The following KNDC1 variants were observed in gnomAD, a reference collection of about 807,000 sequenced individuals.
KNDC1 encodes the protein kinase non-catalytic C-lobe domain-containing protein 1.
KNDC1 carries 106 observed loss-of-function variants against 172.8 expected under a neutral mutation model. The ratio of observed to expected loss-of-function variants is 0.61; its 90% CI spans 0.52 to 0.72. The LOEUF (loss-of-function observed/expected upper bound fraction) is 0.72, where lower values mean the gene tolerates loss of function less well. Ranked by LOEUF, KNDC1 falls within the 30% of genes least tolerant of loss-of-function variation. The probability of loss-of-function intolerance (pLI) is 0.00; values close to 1 mark genes in which losing one functional copy is unlikely to be tolerated. For synonymous variants in KNDC1, 1,083 were observed against 1,062.2 expected, an observed-to-expected ratio of 1.02 and a Z score of -0.38; for missense variants, 2,325 against 2,394.5, an observed-to-expected ratio of 0.97 and a Z score of 0.61.
chr10:133,219,173 C>T, intron 28 of KNDC1, 83 bp downstream of exon 28: 1 of 1,479,688 alleles, frequency 6.8e-7, no homozygotes, highest in South Asian at 1.2e-5. Flanking sequence ...CCTGCCGCAC[C>T]CAGACGCAGG....
chr10:133,179,384 A>T (rs1853650309), intron 3 of KNDC1: 1 of 152,092 alleles, frequency 6.6e-6, no homozygotes, highest in Non-Finnish European at 1.5e-5. Flanking sequence ...CTGCAGCCGC[A>T]ATTCTTCTTT....
chr10:133,222,290 A>G (rs1482688447), intron 29 of KNDC1, among the ~76,000 whole-genome samples: 3 of 151,826 alleles, frequency 2.0e-5, no homozygotes, highest in Non-Finnish European at 4.4e-5. Context: ...CTCAAAAAAA[A>G]AAAAAAACTT....
intron 9 of KNDC1, among the ~76,000 whole-genome samples, chr10:133,195,439 G>T (rs1029361538): frequency 4.6e-5 from 7 of 152,350 alleles, no homozygotes; most frequent in Non-Finnish European, 8.8e-5. Flanking sequence ...AACGCGGACA[G>T]AACCATGGGG....
At chr10:133,176,039 T>C (rs1853528418) in intron 3 of KNDC1, among the ~76,000 whole-genome samples, 1 of 150,066 alleles carries the variant, frequency 6.7e-6, no homozygotes, top group Non-Finnish European at 1.5e-5. Flanking sequence ...GATGGATGAA[T>C]GGATAGATAG....
At chr10:133,200,083 G>A (rs970399551) in intron 15 of KNDC1, among the ~76,000 whole-genome samples, 19 of 151,920 alleles carry the variant, frequency 1.3e-4, no homozygotes, top group South Asian at 2.1e-4. Flanking sequence ...CAGCTCCTCC[G>A]CGTGCGTGTG....
chr10:133,183,714 T>G lies in KNDC1; in HGVS notation c.508-158T>G, dbSNP rs577698901. The stretch of plus-strand genomic sequence containing the variant: ...CTCCTGGTTCTCTGCAACCCAGATG[T>G]GCTGCCTTTTCATACTAGAAAATGG... On this transcript the variant is annotated intron_variant, in intron 4 of 29. Coordinates refer to ENST00000304613, the MANE Select transcript of KNDC1 (RefSeq NM_152643.8). Among the ~76,000 whole-genome samples the G allele has an allele frequency of 7.2e-5, 11 of 152,342 alleles. No homozygotes were observed. In the East Asian group the frequency reaches 2.1e-3, roughly 29 times the overall value.
intron 5 of KNDC1, among the ~76,000 whole-genome samples, chr10:133,185,150 G>A (rs544907688): frequency 8.5e-5 from 13 of 152,370 alleles, no homozygotes; most frequent in East Asian, 1.9e-4. Flanking sequence ...GTGCTGCTGC[G>A]GGAGGGGCGC....
At position 133,198,440 on chromosome 10, in the gene KNDC1, C is replaced by G; in HGVS notation, c.2010C>G (p.Phe670Leu). The G allele has an allele frequency of 6.2e-7, 1 of 1,603,236 alleles. No homozygotes were observed. Among genetic ancestry groups the G allele is most frequent in the Non-Finnish European group, 8.5e-7 (1 of 1,175,464 alleles). ...GEEATQLPAAFTSEATHFKPI... is the reference protein window; with the variant it reads ...GEEATQLPAALTSEATHFKPI... ...AAGCCACCCAGCTGCCTGCAGCGTT[C>G]ACCTCCGAGGCCACGCACTTCAAGC... is the stretch of plus-strand genomic sequence containing the variant. The change falls in exon 13 of 30, where the codon TTC becomes TTG. Residue 670 changes from phenylalanine (F) to leucine (L), a missense_variant. Coordinates refer to ENST00000304613, the MANE Select transcript of KNDC1 (RefSeq NM_152643.8).
chr10:133,222,166 C>T (rs1845608760), intron 29 of KNDC1, among the ~76,000 whole-genome samples: 2 of 149,850 alleles, frequency 1.3e-5, no homozygotes, highest in Non-Finnish European at 3.0e-5. Flanking sequence ...GCCTGTAGTC[C>T]CAGCTACTCG....
At position 133,188,790 on chromosome 10, in the gene KNDC1, G is replaced by A. The variant is rs1212192352; in HGVS notation, c.1441+137G>A. 14 of 577,994 alleles carry A rather than the reference G, an allele frequency of 2.4e-5. No individual in the cohort carries two copies. In the East Asian group the frequency reaches 3.1e-4, roughly 13 times the overall value. The allele number at this position is 577,994 out of a possible 1,614,324, so 35.8% of individuals were successfully genotyped here. On this transcript the variant is annotated intron_variant, in intron 7 of 29. Coordinates refer to ENST00000304613, the MANE Select transcript of KNDC1 (RefSeq NM_152643.8). ...CCCCCACTGTCCCATCACCCCTGCC[G>A]TCCCATGCGTAACTGGCCCCCACCT...
chr10:133,199,294 G>T (rs1050026174), intron 14 of KNDC1, 28 bp downstream of exon 14: 1 of 1,542,502 alleles, frequency 6.5e-7, no homozygotes, highest in Admixed American at 1.9e-5. Flanking sequence ...ACGCCCCAGA[G>T]GAGGCCCGGG....
intron 6 of KNDC1, 122 bp from the exon 7 acceptor site, chr10:133,188,417 G>A (rs1853980223): frequency 1.6e-6 from 1 of 631,088 alleles, no homozygotes; most frequent in South Asian, 1.9e-5. Context: ...TATCAGGTGT[G>A]GGGGGCGCCT....
chr10:133,169,683 C>T (rs928459843), intron 3 of KNDC1, among the ~76,000 whole-genome samples: 1 of 151,960 alleles, frequency 6.6e-6, no homozygotes, highest in Non-Finnish European at 1.5e-5. Flanking sequence ...GTGGCCGGGA[C>T]ATGGTGTGTG....
In KNDC1 at chr10:133,198,316, C is replaced by T. The variant is rs566524579; in HGVS notation, c.1907-21C>T. ...TGGGGCCACTCCGCCCGCCCACACCCTCAGCCCCCTGGCTCCCCAGGCTTC... is the reference window on the plus strand; with the variant it reads ...TGGGGCCACTCCGCCCGCCCACACCTTCAGCCCCCTGGCTCCCCAGGCTTC... On this transcript the variant is annotated intron_variant, in intron 12 of 29. Coordinates refer to ENST00000304613, the MANE Select transcript of KNDC1 (RefSeq NM_152643.8). 14 of 1,546,776 alleles carry T rather than the reference C, an allele frequency of 9.1e-6. No individual in the cohort carries two copies. In the African/African-American group the frequency reaches 1.9e-4, roughly 21 times the overall value.
intron 24 of KNDC1, 68 bp downstream of exon 24, chr10:133,212,990 T>A (rs1845402394): frequency 1.5e-6 from 2 of 1,375,510 alleles, no homozygotes; most frequent in African/African-American, 2.9e-5. Flanking sequence ...TCCGCGCCCA[T>A]AGGGCCCTCA....
intron 1 of KNDC1, 93 bp downstream of exon 1, chr10:133,160,662 C>G (rs1343461774): frequency 2.6e-6 from 2 of 782,726 alleles, no homozygotes; most frequent in Non-Finnish European, 1.9e-6. Flanking sequence ...CTGTGAGCTC[C>G]CGCCTCCCCA....
intron 3 of KNDC1, among the ~76,000 whole-genome samples, chr10:133,173,561 G>T (rs1306321632): frequency 6.6e-6 from 1 of 152,070 alleles, no homozygotes; most frequent in South Asian, 2.1e-4. Flanking sequence ...GAACAGATTG[G>T]TTTTTTCTTA....
intron 9 of KNDC1, among the ~76,000 whole-genome samples, chr10:133,194,616 G>A (rs1215390404): frequency 6.6e-6 from 1 of 152,184 alleles, no homozygotes; most frequent in African/African-American, 2.4e-5. Context: ...TTCTATGCTC[G>A]TGGGGCTGTC....
intron 20 of KNDC1, among the ~76,000 whole-genome samples, chr10:133,210,223 T>C (rs1350788343): frequency 6.6e-6 from 1 of 151,684 alleles, no homozygotes; most frequent in South Asian, 2.1e-4. Context: ...CCATCTCTAC[T>C]AAAACACAAA....
Sources: gnomAD v4.1 joint callset for allele counts (sites outside exome capture counted in the v4.1 genomes callset) on GRCh38, gnomAD v4.1.1 for gene constraint, MANE v1.5 for transcripts, NCBI Gene and HGNC (gene_info 2026-07-23, HGNC 2026-07-21) for gene names.